Variants in FNDC1 observed in about 807,000 individuals in gnomAD.
FNDC1 encodes the protein fibronectin type III domain containing 1.
Under a neutral mutation model 168.0 loss-of-function variants are expected in FNDC1, and 96 were observed. That is an observed-to-expected ratio of 0.57 (90% CI 0.48 to 0.68). The LOEUF (loss-of-function observed/expected upper bound fraction) is 0.68. Among genes scored for constraint, FNDC1 ranks in the 30% least tolerant of loss-of-function variants. The pLI, the probability that FNDC1 is intolerant of heterozygous loss-of-function variation, is 0.00. For synonymous variants in FNDC1, 1,099 were observed against 1,025.9 expected (o/e 1.07, Z -1.36); for missense variants, 2,587 against 2,482.1 (o/e 1.04, Z -0.90).
intron 4 of FNDC1, among the ~76,000 whole-genome samples, chr6:159,204,112 C>T (rs894676145): frequency 7.2e-5 from 11 of 152,192 alleles, no homozygotes; most frequent in Middle Eastern, 3.4e-3. Context: ...TTTGGACAAA[C>T]GATAGCTTGG....
intron 1 of FNDC1, among the ~76,000 whole-genome samples, chr6:159,182,799 A>G (rs183598344): frequency 6.6e-6 from 1 of 152,386 alleles, no homozygotes; most frequent in African/African-American, 2.4e-5. Flanking sequence ...CTGTCCAGTC[A>G]TGGAAATCAC....
chr6:159,176,498 A>C (rs1240259921), intron 1 of FNDC1, among the ~76,000 whole-genome samples: 2 of 152,320 alleles, frequency 1.3e-5, no homozygotes, highest in South Asian at 4.1e-4. Flanking sequence ...AGAAGGACAT[A>C]GGCATTAGTT....
At chr6:159,269,253 CTAT>C (rs1358006316) in intron 22 of FNDC1, among the ~76,000 whole-genome samples, 24 of 109,412 alleles carry the variant, frequency 2.2e-4, no homozygotes, top group Middle Eastern at 4.5e-3. Context: ...ATCTATCCAT[CTAT>C]CATCTATCTA....
chr6:159,181,329 T>C (rs564830629), intron 1 of FNDC1, among the ~76,000 whole-genome samples: 11 of 152,332 alleles, frequency 7.2e-5, no homozygotes, highest in Middle Eastern at 6.8e-3. Flanking sequence ...ATGCATTGTG[T>C]GCTGAACTGT....
At chr6:159,222,050 G>A (rs1782838416) in intron 6 of FNDC1, among the ~76,000 whole-genome samples, 1 of 152,158 alleles carries the variant, frequency 6.6e-6, no homozygotes, top group Non-Finnish European at 1.5e-5. Context: ...GAGCAGGCGG[G>A]AGGTGGTGCA....
At chr6:159,180,943 C>T (rs375238192) in intron 1 of FNDC1, among the ~76,000 whole-genome samples, 63 of 152,172 alleles carry the variant, frequency 4.1e-4, no homozygotes, top group African/African-American at 1.5e-3. Flanking sequence ...AATGAACATA[C>T]GTGTGCATGT....
intron 13 of FNDC1, among the ~76,000 whole-genome samples, chr6:159,238,961 T>G (rs1464089549): frequency 6.6e-6 from 1 of 152,202 alleles, no homozygotes; most frequent in Non-Finnish European, 1.5e-5. Flanking sequence ...CCACTACCTA[T>G]TTTTGTAAGA....
rs540565338 is a variant in FNDC1 at position 159,169,888 on chromosome 6, C to T, written c.109+183C>T. ...GGCGGGAGCGGGGACGCCTCGGTGC[C>T]CGGGGACCGCAGCGCGCTGGCGTTT... On this transcript the variant is annotated intron_variant, in intron 1 of 22. Transcript: ENST00000297267. This position sits in a 1 kb window ranked among gnomAD's most constrained non-coding sequence, Gnocchi z 6.8. 1.3e-5 allele frequency: 3 copies of T among 237,476 alleles called. No individual in the cohort carries two copies. Among genetic ancestry groups the T allele is most frequent in the South Asian group, 1.8e-4 (1 of 5,610 alleles). 14.7% of individuals were successfully genotyped at this position (237,476 alleles called of 1,614,324 possible).
At chr6:159,255,061 A>T (rs978610994) in intron 17 of FNDC1, among the ~76,000 whole-genome samples, 2 of 152,204 alleles carry the variant, frequency 1.3e-5, no homozygotes, top group Non-Finnish European at 2.9e-5. Flanking sequence ...TCCATTCGGC[A>T]TTCTGCACAG....
intron 15 of FNDC1, among the ~76,000 whole-genome samples, chr6:159,248,617 T>A (rs902780382): frequency 6.6e-6 from 1 of 152,162 alleles, no homozygotes; most frequent in Non-Finnish European, 1.5e-5. Flanking sequence ...AAAAAATTTT[T>A]AAGAAAAAAC....
chr6:159,262,123 A>G (rs575640932), intron 19 of FNDC1, among the ~76,000 whole-genome samples: 2 of 152,252 alleles, frequency 1.3e-5, no homozygotes, highest in South Asian at 2.1e-4. Context: ...CATAGTTCCT[A>G]TGACCTATGG....
intron 1 of FNDC1, among the ~76,000 whole-genome samples, chr6:159,172,252 T>C (rs185671063): frequency 9.5e-4 from 144 of 152,366 alleles, no homozygotes; most frequent in Non-Finnish European, 1.5e-3. Context: ...GTTTGTGTTA[T>C]GCATTAAGCT....
intron 4 of FNDC1, among the ~76,000 whole-genome samples, chr6:159,203,512 G>C (rs1406193248): frequency 2.0e-5 from 3 of 152,170 alleles, no homozygotes; most frequent in Non-Finnish European, 2.9e-5. Context: ...GAAATGACAG[G>C]ATCGAGCGAG....
intron 22 of FNDC1, among the ~76,000 whole-genome samples, chr6:159,268,190 C>A (rs144913228): frequency 1.1e-4 from 16 of 152,140 alleles, no homozygotes; most frequent in Non-Finnish European, 1.8e-4. Flanking sequence ...GCAGACCCAC[C>A]GTGATATGTT....
chr6:159,206,578 C>T (rs1055502762), intron 4 of FNDC1, among the ~76,000 whole-genome samples: 1 of 152,200 alleles, frequency 6.6e-6, no homozygotes, highest in African/African-American at 2.4e-5. Flanking sequence ...TTGACAACAG[C>T]TGGGGCTTGG....
chr6:159,238,380 C>T (rs761272080), intron 12 of FNDC1, among the ~76,000 whole-genome samples, 174 bp from the exon 13 acceptor site: 1 of 151,988 alleles, frequency 6.6e-6, no homozygotes, highest in Non-Finnish European at 1.5e-5. Context: ...CCACCGCGCC[C>T]GGCCTGTACT....
intron 15 of FNDC1, among the ~76,000 whole-genome samples, chr6:159,247,471 G>A (rs1346443535): frequency 2.6e-5 from 4 of 152,210 alleles, no homozygotes; most frequent in South Asian, 4.2e-4. Context: ...ATCAGAGGCC[G>A]GCCGCAGTGG....
chr6:159,221,426 C>T (rs1405889619), intron 5 of FNDC1, among the ~76,000 whole-genome samples, 172 bp from the exon 6 acceptor site: 2 of 152,174 alleles, frequency 1.3e-5, no homozygotes, highest in East Asian at 3.8e-4. Flanking sequence ...TTAATTCCTG[C>T]AGTTCTTGGG....
At chr6:159,192,018 C>T (rs138657760) in intron 1 of FNDC1, among the ~76,000 whole-genome samples, 3,410 of 152,192 alleles carry the variant, frequency 0.022, 52 homozygotes, top group Middle Eastern at 0.065. Flanking sequence ...TACAGGTGCA[C>T]GACACCATGT....
Sources: gnomAD v4.1 joint callset for allele counts (sites outside exome capture counted in the v4.1 genomes callset) on GRCh38, gnomAD v4.1.1 for gene constraint, Gnocchi (gnomAD v3.1) non-coding constraint, MANE v1.5 for transcripts, NCBI Gene and HGNC (gene_info 2026-07-23, HGNC 2026-07-21) for gene names.